Variants in LRRC4C observed in about 807,000 individuals in gnomAD.
LRRC4C encodes leucine rich repeat containing 4C, also known as leucine-rich repeat-containing protein 4C.
A neutral mutation model predicts 33.6 loss-of-function variants in LRRC4C; 5 were observed. The ratio of observed to expected loss-of-function variants is 0.15; its 90% CI spans 0.08 to 0.31. LRRC4C has a LOEUF of 0.31. Ranked by LOEUF, LRRC4C falls within the 10% of genes least tolerant of loss-of-function variation. The pLI, the probability that LRRC4C is intolerant of heterozygous loss-of-function variation, is 1.00. For missense variants in LRRC4C, 560 were observed against 796.7 expected (o/e 0.70, Z 3.58); for synonymous variants, 329 against 302.0 (o/e 1.09, Z -0.93).
chr11:41,141,239 C>A (rs1943491052), intron 1 of LRRC4C, among the ~76,000 whole-genome samples: 1 of 152,072 alleles, frequency 6.6e-6, no homozygotes, highest in Admixed American at 6.5e-5. Context: ...TGCTCCCAGT[C>A]TCCGAATCAC....
At chr11:40,836,989 A>G (rs946980318) in intron 2 of LRRC4C, among the ~76,000 whole-genome samples, 2 of 152,066 alleles carry the variant, frequency 1.3e-5, no homozygotes, top group Non-Finnish European at 2.9e-5. Context: ...CCTGTAATAA[A>G]TCTCTTGTTT....
chr11:40,149,157 T>C (rs1370873882), intron 5 of LRRC4C, among the ~76,000 whole-genome samples: 1 of 152,154 alleles, frequency 6.6e-6, no homozygotes, highest in Non-Finnish European at 1.5e-5. Context: ...CTTGGGCTTT[T>C]TGTGGGTGTT....
At chr11:40,586,803 C>A (rs1270544670) in intron 3 of LRRC4C, among the ~76,000 whole-genome samples, 2 of 152,014 alleles carry the variant, frequency 1.3e-5, no homozygotes, top group African/African-American at 2.4e-5. Context: ...GGCGTTATTT[C>A]TGAGGGCTCT....
intron 1 of LRRC4C, among the ~76,000 whole-genome samples, chr11:41,347,752 G>A (rs973729130): frequency 2.0e-5 from 3 of 152,144 alleles, no homozygotes; most frequent in African/African-American, 7.2e-5. Context: ...GGTGAGCAGT[G>A]AGAGTTTATC....
intron 1 of LRRC4C, among the ~76,000 whole-genome samples, chr11:41,449,768 GA>G (rs35510106): frequency 0.02 from 2,201 of 108,374 alleles, 20 homozygotes; most frequent in African/African-American, 0.047. Flanking sequence ...CCTCTTGATG[GA>G]AAAAAAAAAA....
At chr11:41,186,966 C>A (rs180938154) in intron 1 of LRRC4C, among the ~76,000 whole-genome samples, 1 of 152,094 alleles carries the variant, frequency 6.6e-6, no homozygotes, top group Admixed American at 6.5e-5. Flanking sequence ...CTGGAAGAAC[C>A]CTGATTTTTT....
At chr11:41,321,223 C>A (rs1296239230) in intron 1 of LRRC4C, among the ~76,000 whole-genome samples, 1 of 152,010 alleles carries the variant, frequency 6.6e-6, no homozygotes, top group Non-Finnish European at 1.5e-5. Flanking sequence ...AGAATAAAAA[C>A]AGGGGGCAGA....
At chr11:40,278,170 T>C (rs554784570) in intron 4 of LRRC4C, among the ~76,000 whole-genome samples, 2 of 152,312 alleles carry the variant, frequency 1.3e-5, no homozygotes, top group East Asian at 3.9e-4. Flanking sequence ...CAAGCAATCA[T>C]GTACTTTGAA....
At chr11:40,903,912 T>C (rs1327488076) in intron 2 of LRRC4C, among the ~76,000 whole-genome samples, 4 of 151,948 alleles carry the variant, frequency 2.6e-5, no homozygotes, top group Non-Finnish European at 4.4e-5. Context: ...TAAATATATA[T>C]ATATATACCT....
At chr11:40,321,443 G>A (rs911285249) in intron 3 of LRRC4C, among the ~76,000 whole-genome samples, 5 of 152,148 alleles carry the variant, frequency 3.3e-5, no homozygotes, top group African/African-American at 9.7e-5. Flanking sequence ...CTACATTACT[G>A]TACAAATTAA....
chr11:41,088,015 C>A lies in LRRC4C; in HGVS notation c.-495-154292G>T, dbSNP rs575110974. Reference sequence around the variant, plus strand: ...ATTCAGTCACAAAGAACAGAATACACATTAGCTGATTTAAGCAGAAAGGAT... The same window carrying A: ...ATTCAGTCACAAAGAACAGAATACAAATTAGCTGATTTAAGCAGAAAGGAT... On this transcript the variant is annotated intron_variant, in intron 1 of 6. Transcript: ENST00000528697. Among the ~76,000 whole-genome samples, 92 of 152,168 alleles carry A rather than the reference C, an allele frequency of 6.0e-4. 1 individual carries two copies. The South Asian group carries it at 0.019, about 32-fold the overall frequency.
chr11:40,464,325 T>C (rs1488297230), intron 3 of LRRC4C, among the ~76,000 whole-genome samples: 2 of 151,800 alleles, frequency 1.3e-5, no homozygotes, highest in East Asian at 3.9e-4. Flanking sequence ...AAGGAACACA[T>C]ATCAAAATAA....
intron 4 of LRRC4C, among the ~76,000 whole-genome samples, chr11:40,300,696 T>C (rs946244658): frequency 3.3e-5 from 5 of 152,244 alleles, no homozygotes; most frequent in Admixed American, 1.3e-4. Context: ...CTAGATTACT[T>C]ACCTAATACA....
At chr11:40,893,935 A>G (rs886783097) in intron 2 of LRRC4C, among the ~76,000 whole-genome samples, 1 of 152,062 alleles carries the variant, frequency 6.6e-6, no homozygotes, top group African/African-American at 2.4e-5. Flanking sequence ...CTTGACAATA[A>G]ATTCAAAACA....
At chr11:41,216,442 T>C (rs1947067199) in intron 1 of LRRC4C, among the ~76,000 whole-genome samples, 1 of 151,748 alleles carries the variant, frequency 6.6e-6, no homozygotes, top group Non-Finnish European at 1.5e-5. Flanking sequence ...CATTTTTCTC[T>C]TTAATTACAT....
At chr11:40,870,923 C>T (rs992410030) in intron 2 of LRRC4C, among the ~76,000 whole-genome samples, 6 of 152,146 alleles carry the variant, frequency 3.9e-5, no homozygotes, top group African/African-American at 7.2e-5. Context: ...GGAGAAATAT[C>T]GCTGAATTCT....
intron 3 of LRRC4C, among the ~76,000 whole-genome samples, chr11:40,479,776 A>G (rs1379461034): frequency 6.6e-6 from 1 of 152,156 alleles, no homozygotes; most frequent in Non-Finnish European, 1.5e-5. Context: ...AAATCAGTGG[A>G]AAGAGTGAGG....
intron 2 of LRRC4C, among the ~76,000 whole-genome samples, chr11:40,919,223 G>T (rs904328353): frequency 1.3e-5 from 2 of 152,102 alleles, no homozygotes; most frequent in Non-Finnish European, 2.9e-5. Flanking sequence ...AAAAGCTAAA[G>T]ATCATGGATT....
At chr11:40,973,983 G>A (rs1851907414) in intron 1 of LRRC4C, among the ~76,000 whole-genome samples, 1 of 152,104 alleles carries the variant, frequency 6.6e-6, no homozygotes, top group South Asian at 2.1e-4. Context: ...ACAAGGCCAT[G>A]TGTGCAAACC....
Sources: gnomAD v4.1 joint callset for allele counts (sites outside exome capture counted in the v4.1 genomes callset) on GRCh38, gnomAD v4.1.1 for gene constraint, MANE v1.5 for transcripts, NCBI Gene and HGNC (gene_info 2026-07-23, HGNC 2026-07-21) for gene names.